Variants in CHODL observed in about 807,000 individuals in gnomAD.
The protein encoded by CHODL is chondrolectin.
Under a neutral mutation model 34.5 loss-of-function variants are expected in CHODL, and 29 were observed. The ratio of observed to expected loss-of-function variants is 0.84; its 90% CI spans 0.63 to 1.15. CHODL has a LOEUF of 1.15. Ranked by LOEUF, CHODL falls within the 50% of genes most tolerant of loss-of-function variation. CHODL has a pLI of 0.00. For synonymous variants in CHODL, 125 were observed against 116.1 expected (o/e 1.08, Z -0.49); for missense variants, 332 against 332.5 (o/e 1.00, Z 0.01).
At chr21:17,934,645 G>T in intron 1 of CHODL, among the ~76,000 whole-genome samples, 1 of 152,006 alleles carries the variant, frequency 6.6e-6, no homozygotes, top group East Asian at 1.9e-4. Flanking sequence ...GTCCCTTTAA[G>T]TTTTTATTAT....
chr21:18,015,182 A>G (rs1197465407), intron 1 of CHODL, among the ~76,000 whole-genome samples: 1 of 152,066 alleles, frequency 6.6e-6, no homozygotes, highest in Non-Finnish European at 1.5e-5. Flanking sequence ...TTAGTGTTGG[A>G]GGAGGGGTCT....
intron 2 of CHODL, among the ~76,000 whole-genome samples, chr21:18,098,537 T>A (rs2065169625): frequency 6.6e-6 from 1 of 152,042 alleles, no homozygotes. Flanking sequence ...GACATCTTAC[T>A]CGGCTAAAAT....
chr21:18,029,527 G>T lies in CHODL; in HGVS notation c.-45+1556G>T, dbSNP rs146489427. Among the ~76,000 whole-genome samples, 175 of 134,902 alleles carry T rather than the reference G, an allele frequency of 1.3e-3. 1 individual carries two copies. The highest frequency in any genetic ancestry group is 4.1e-3 in the African/African-American group (147 of 35,440). 88.5% of individuals were successfully genotyped at this position (134,902 alleles called of 152,430 possible). A position where few individuals can be genotyped will look rare whatever the true frequency, so the allele number is the denominator to read the frequency against. ...TTTACTTGTTTTTATGTGCAAAAAG[G>T]CAACAATTTAGGAAACTTTGTATAT... On this transcript the variant is annotated intron_variant, in intron 2 of 6. Coordinates refer to the CHODL transcript ENST00000400127.
intron 2 of CHODL, among the ~76,000 whole-genome samples, chr21:18,218,145 C>A (rs533803667): frequency 7.9e-5 from 12 of 152,324 alleles, no homozygotes; most frequent in African/African-American, 2.9e-4. Flanking sequence ...CCAGGCAGCG[C>A]CCCAGTGGGG....
At chr21:18,243,330 C>T (rs2074099759), upstream of CHODL, among the ~76,000 whole-genome samples, 1 of 152,150 alleles carries the variant, frequency 6.6e-6, no homozygotes, top group Non-Finnish European at 1.5e-5. Context: ...AGCTCTGTTG[C>T]CTGGAGGCGT....
At chr21:18,190,815 A>G (rs2073502247) in intron 2 of CHODL, among the ~76,000 whole-genome samples, 1 of 152,198 alleles carries the variant, frequency 6.6e-6, no homozygotes, top group Non-Finnish European at 1.5e-5. Context: ...AATAATTGTC[A>G]TATTGTAGTA....
chr21:18,083,810 C>T (rs1412805669), intron 2 of CHODL, among the ~76,000 whole-genome samples: 1 of 152,216 alleles, frequency 6.6e-6, no homozygotes, highest in Admixed American at 6.5e-5. Flanking sequence ...ATGGAATTAA[C>T]TAACTAGCTT....
intron 1 of CHODL, among the ~76,000 whole-genome samples, chr21:17,920,253 A>G (rs1483126495): frequency 1.3e-5 from 2 of 152,224 alleles, no homozygotes; most frequent in African/African-American, 4.8e-5. Context: ...TGCTTCTGAT[A>G]AAGACATACC....
At chr21:17,972,811 C>T (rs2063626329) in intron 1 of CHODL, among the ~76,000 whole-genome samples, 1 of 152,038 alleles carries the variant, frequency 6.6e-6, no homozygotes, top group African/African-American at 2.4e-5. Context: ...TCATATGGAA[C>T]CAAAAAAGAG....
chr21:18,234,042 A>G (rs1243553511), intron 2 of CHODL, among the ~76,000 whole-genome samples: 1 of 152,184 alleles, frequency 6.6e-6, no homozygotes, highest in African/African-American at 2.4e-5. Context: ...AAAGAAATTT[A>G]CCATGTCCAA....
At chr21:18,082,192 C>T (rs158018) in intron 2 of CHODL, among the ~76,000 whole-genome samples, 54,572 of 151,998 alleles carry the variant, frequency 0.36, 12,181 homozygotes, top group Non-Finnish European at 0.51. Flanking sequence ...TGTGGCACTT[C>T]CCCCTTCACT....
chr21:18,121,265 T>G (rs1382354256), intron 2 of CHODL, among the ~76,000 whole-genome samples: 1 of 152,136 alleles, frequency 6.6e-6, no homozygotes, highest in Non-Finnish European at 1.5e-5. Flanking sequence ...TAAAATACAT[T>G]AACACTAATG....
intron 2 of CHODL, among the ~76,000 whole-genome samples, chr21:18,184,575 G>A (rs2073418396): frequency 1.3e-5 from 2 of 152,170 alleles, no homozygotes; most frequent in Admixed American, 1.3e-4. Context: ...ATAAAACAAT[G>A]TGGTATTCTA....
intron 2 of CHODL, among the ~76,000 whole-genome samples, chr21:18,125,611 T>A (rs949693189): frequency 2.0e-5 from 3 of 151,552 alleles, no homozygotes; most frequent in Non-Finnish European, 1.5e-5. Flanking sequence ...TTAATTAATT[T>A]TTGAGATGGA....
At chr21:18,160,944 C>T (rs1007852530) in intron 2 of CHODL, among the ~76,000 whole-genome samples, 1 of 152,184 alleles carries the variant, frequency 6.6e-6, no homozygotes, top group Admixed American at 6.5e-5. Flanking sequence ...TTTACATTCC[C>T]ACCAACTGTG....
chr21:18,134,563 T>C (rs1049394435), intron 2 of CHODL, among the ~76,000 whole-genome samples: 17 of 152,184 alleles, frequency 1.1e-4, no homozygotes, highest in African/African-American at 3.9e-4. Context: ...TGAGGAACAA[T>C]GAAAGATGGT....
intron 2 of CHODL, among the ~76,000 whole-genome samples, chr21:18,165,344 T>C (rs2073139869): frequency 6.6e-6 from 1 of 152,242 alleles, no homozygotes; most frequent in Non-Finnish European, 1.5e-5. Context: ...AATCATGTGA[T>C]TCATCATTTT....
At chr21:18,161,917 C>T (rs1008314344) in intron 2 of CHODL, among the ~76,000 whole-genome samples, 1 of 152,170 alleles carries the variant, frequency 6.6e-6, no homozygotes, top group Non-Finnish European at 1.5e-5. Context: ...GTATAACCTA[C>T]AAACTGAAAA....
chr21:17,940,701 C>T (rs749505033), intron 1 of CHODL, among the ~76,000 whole-genome samples: 1 of 152,132 alleles, frequency 6.6e-6, no homozygotes, highest in East Asian at 1.9e-4. Context: ...TAAAAGAATG[C>T]GTAGCATGGT....
Sources: allele counts gnomAD v4.1 joint callset (sites outside exome capture counted in the v4.1 genomes callset), GRCh38; gene constraint gnomAD v4.1.1; transcripts MANE v1.5; gene names NCBI Gene and HGNC (gene_info 2026-07-23, HGNC 2026-07-21).